The following RAB10 variants were observed in gnomAD, a reference collection of about 807,000 sequenced individuals.
RAB10 encodes ras-related protein Rab-10.
In RAB10, 5 loss-of-function variants were observed where a neutral mutation model predicts 25.7. The observed-to-expected ratio is 0.19, with a 90% confidence interval of 0.10 to 0.41. The LOEUF is 0.41. RAB10 is among the 10% of genes least tolerant of loss of function. RAB10 has a pLI of 1.00. For synonymous variants in RAB10, 89 were observed against 86.4 expected, an observed-to-expected ratio of 1.03 and a Z score of -0.16; for missense variants, 103 against 245.8, an observed-to-expected ratio of 0.42 and a Z score of 3.89.
At chr2:26,066,130 A>G (rs1666508147) in intron 1 of RAB10, among the ~76,000 whole-genome samples, 1 of 152,250 alleles carries the variant, frequency 6.6e-6, no homozygotes, top group Non-Finnish European at 1.5e-5. Flanking sequence ...AAAGAAATCA[A>G]GCAGTTAATG....
chr2:26,099,032 T>C (rs953897761), intron 2 of RAB10, among the ~76,000 whole-genome samples: 6 of 152,264 alleles, frequency 3.9e-5, no homozygotes, highest in Non-Finnish European at 8.8e-5. Flanking sequence ...AAATAATATA[T>C]GCAAAGTTTT....
chr2:26,116,409 CCTT>C (rs1667688749), intron 3 of RAB10, among the ~76,000 whole-genome samples: 1 of 151,874 alleles, frequency 6.6e-6, no homozygotes, highest in Non-Finnish European at 1.5e-5. Context: ...TGGTGTGGAG[CCTT>C]CTTTGTATAT....
At chr2:26,051,928 G>A (rs550677628) in intron 1 of RAB10, among the ~76,000 whole-genome samples, 2,277 of 151,320 alleles carry the variant, frequency 0.015, 25 homozygotes, top group Non-Finnish European at 0.026. Flanking sequence ...ATGGTGGCAC[G>A]CACCTGTAAT....
At chr2:26,120,122 G>A (rs1378789702) in intron 3 of RAB10, among the ~76,000 whole-genome samples, 2 of 152,150 alleles carry the variant, frequency 1.3e-5, no homozygotes, top group African/African-American at 4.8e-5. Context: ...ACTTACAGGT[G>A]TTCTTAGTAG....
At chr2:26,112,388 A>G (rs1667592090) in intron 3 of RAB10, among the ~76,000 whole-genome samples, 1 of 152,168 alleles carries the variant, frequency 6.6e-6, no homozygotes, top group African/African-American at 2.4e-5. Context: ...CCTTGTCATC[A>G]GTCACCTCAT....
At chr2:26,034,055 G>A, upstream of RAB10, 1 of 401,256 alleles carries the variant, frequency 2.5e-6, no homozygotes, top group Admixed American at 4.3e-5. Context: ...TAGGGCGTGA[G>A]GGAAGGGCGG....
intron 1 of RAB10, among the ~76,000 whole-genome samples, chr2:26,053,792 T>C (rs775051437): frequency 7.2e-5 from 11 of 152,170 alleles, no homozygotes; most frequent in Non-Finnish European, 1.3e-4. Context: ...CAGTCTCGGC[T>C]CACTGCAACT....
intron 2 of RAB10, among the ~76,000 whole-genome samples, chr2:26,105,630 A>T (rs1667451597): frequency 6.6e-6 from 1 of 151,980 alleles, no homozygotes; most frequent in African/African-American, 2.4e-5. Flanking sequence ...ACTCTGTGAG[A>T]CTCCGTCTCA....
intron 1 of RAB10, among the ~76,000 whole-genome samples, chr2:26,096,944 G>A (rs1462599361): frequency 6.6e-6 from 1 of 152,162 alleles, no homozygotes; most frequent in Admixed American, 6.5e-5. Flanking sequence ...ACTTTGGGCT[G>A]GGTGCGGTGG....
intron 3 of RAB10, among the ~76,000 whole-genome samples, chr2:26,117,949 AT>A (rs1559597913): frequency 6.6e-6 from 1 of 152,164 alleles, no homozygotes; most frequent in African/African-American, 2.4e-5. Context: ...CAAGTCTCAG[AT>A]TATTTCTCTA....
At chr2:26,088,322 A>G (rs1242753812) in intron 1 of RAB10, among the ~76,000 whole-genome samples, 1 of 152,210 alleles carries the variant, frequency 6.6e-6, no homozygotes, top group African/African-American at 2.4e-5. Flanking sequence ...GCAGCTAAAA[A>G]TTGAAATACT....
chr2:26,034,530 C>G lies in RAB10; in HGVS notation c.-79C>G. The G allele has an allele frequency of 6.3e-7, 1 of 1,584,652 alleles. No individual in the cohort carries two copies. Among genetic ancestry groups the G allele is most frequent in the Non-Finnish European group, 8.6e-7 (1 of 1,163,720 alleles). ...CCCCGGTCCTCCGGCCTGAGAACGC[C>G]CGAGTGAGGAGTTGGCCGTAGTGAG... On this transcript the variant is annotated 5_prime_UTR_variant, in exon 1 of 6. Transcript: ENST00000264710.
intron 1 of RAB10, among the ~76,000 whole-genome samples, chr2:26,044,200 G>A (rs1007423229): frequency 6.6e-6 from 1 of 152,052 alleles, no homozygotes; most frequent in Non-Finnish European, 1.5e-5. Context: ...TTTCCCCACC[G>A]CTCAACAAAA....
At chr2:26,126,473 C>T (rs1349295455) in intron 3 of RAB10, among the ~76,000 whole-genome samples, 1 of 152,150 alleles carries the variant, frequency 6.6e-6, no homozygotes, top group Non-Finnish European at 1.5e-5. Context: ...GTCCCAGCTA[C>T]TCACAGCTAC....
rs35732202 is a variant in RAB10 at position 26,090,502 on chromosome 2, CT to C, written c.128-8150del. ...GATTCTTTTAGTTCTGTTTTCTTGC[CT>C]TTTTTTTTTATTATTTTCTATATGT... On this transcript the variant is annotated intron_variant, in intron 1 of 5. Transcript: ENST00000264710. Among the ~76,000 whole-genome samples the C allele has an allele frequency of 5.2e-4, 75 of 143,556 alleles. No homozygotes were observed. The East Asian group carries it at 6.3e-3, about 12-fold the overall frequency. 94.2% of individuals were successfully genotyped at this position (143,556 alleles called of 152,430 possible).
At chr2:26,116,561 T>G (rs866988263) in intron 3 of RAB10, among the ~76,000 whole-genome samples, 37 of 132,750 alleles carry the variant, frequency 2.8e-4, no homozygotes, top group Admixed American at 5.4e-4. Context: ...TTTTTTTTTT[T>G]TTTTTTTTTT....
At chr2:26,077,333 A>G (rs1464306068) in intron 1 of RAB10, among the ~76,000 whole-genome samples, 4 of 152,230 alleles carry the variant, frequency 2.6e-5, no homozygotes, top group Admixed American at 6.5e-5. Flanking sequence ...TCTTTTGTGC[A>G]TAGAGAAACA....
At chr2:26,084,610 A>T (rs1306783053) in intron 1 of RAB10, among the ~76,000 whole-genome samples, 1 of 152,212 alleles carries the variant, frequency 6.6e-6, no homozygotes, top group African/African-American at 2.4e-5. Context: ...AGAGGAATAC[A>T]AAAGTGTGCA....
chr2:26,082,578 A>G (rs1447368430), intron 1 of RAB10, among the ~76,000 whole-genome samples: 2 of 152,166 alleles, frequency 1.3e-5, no homozygotes, highest in Non-Finnish European at 2.9e-5. Context: ...TTAGTAATTG[A>G]TAGAATAAGT....
Sources: allele counts gnomAD v4.1 joint callset (sites outside exome capture counted in the v4.1 genomes callset), GRCh38; gene constraint gnomAD v4.1.1; transcripts MANE v1.5; gene names NCBI Gene and HGNC (gene_info 2026-07-23, HGNC 2026-07-21).